Variants in TDRD9 observed in about 807,000 individuals in gnomAD.
The protein encoded by TDRD9 is tudor domain containing 9, also known as ATP-dependent RNA helicase TDRD9.
In TDRD9, 124 loss-of-function variants were observed where a neutral mutation model predicts 172.6. The ratio of observed to expected loss-of-function variants is 0.72; its 90% CI spans 0.62 to 0.83. TDRD9 has a LOEUF of 0.83. Ranked by LOEUF, TDRD9 falls within the 40% of genes least tolerant of loss-of-function variation. The probability of loss-of-function intolerance (pLI) is 0.00; values close to 1 mark genes in which losing one functional copy is unlikely to be tolerated. For missense variants in TDRD9, 1,479 were observed against 1,714.1 expected (o/e 0.86, Z 2.42); for synonymous variants, 619 against 617.1 (o/e 1.00, Z -0.05).
At chr14:103,953,632 G>C (rs919453530) in intron 1 of TDRD9, among the ~76,000 whole-genome samples, 3 of 152,108 alleles carry the variant, frequency 2.0e-5, no homozygotes, top group African/African-American at 7.2e-5. Context: ...TGAATTTGAA[G>C]GCCTGGGAAC....
chr14:103,982,118 C>T (rs967033162), intron 7 of TDRD9, among the ~76,000 whole-genome samples: 3 of 152,148 alleles, frequency 2.0e-5, no homozygotes, highest in African/African-American at 7.2e-5. Flanking sequence ...CATGTCTCAT[C>T]CTTCTTACCT....
intron 1 of TDRD9, among the ~76,000 whole-genome samples, chr14:103,938,456 T>TTTTTA: frequency 7.3e-6 from 1 of 136,652 alleles, no homozygotes; most frequent in Non-Finnish European, 1.6e-5. Context: ...TTTTTTTTTT[T>TTTTTA]GAGATGGTGT....
chr14:103,971,250 T>C (rs1402492023), intron 6 of TDRD9, among the ~76,000 whole-genome samples: 3 of 152,162 alleles, frequency 2.0e-5, no homozygotes, highest in Non-Finnish European at 4.4e-5. Flanking sequence ...CCCAAATTGC[T>C]GGGATTACAG....
chr14:104,034,568 T>C (rs867053781), intron 31 of TDRD9, among the ~76,000 whole-genome samples: 14 of 152,324 alleles, frequency 9.2e-5, no homozygotes, highest in Middle Eastern at 3.4e-3. Flanking sequence ...TCACTTTTCC[T>C]TTTATACAAG....
At chr14:104,012,070 CT>C (rs1350430792) in intron 20 of TDRD9, among the ~76,000 whole-genome samples, 2 of 152,196 alleles carry the variant, frequency 1.3e-5, no homozygotes, top group African/African-American at 4.8e-5. Context: ...TCACCTGAGC[CT>C]TGGTGTCCTG....
At chr14:104,015,319 G>C (rs1416254597) in intron 21 of TDRD9, among the ~76,000 whole-genome samples, 1 of 152,192 alleles carries the variant, frequency 6.6e-6, no homozygotes, top group Non-Finnish European at 1.5e-5. Context: ...CTGGCCAGTG[G>C]AGACTGCCTC....
At chr14:103,995,429 T>C (rs2034022862) in intron 11 of TDRD9, among the ~76,000 whole-genome samples, 1 of 152,160 alleles carries the variant, frequency 6.6e-6, no homozygotes, top group Admixed American at 6.5e-5. Flanking sequence ...TCTAGAAACC[T>C]GGTTGTGCCC....
At chr14:103,941,284 A>G in intron 1 of TDRD9, 2 of 873,508 alleles carry the variant, frequency 2.3e-6, no homozygotes, top group South Asian at 4.6e-5. Flanking sequence ...ATTGCTCACC[A>G]GACATCTACA....
rs774514954 is a variant in TDRD9 at position 104,031,990 on chromosome 14, AAC to A, written c.3439-24_3439-23del. 7.4e-6 allele frequency: 11 copies of A among 1,493,760 alleles called. No individual in the cohort carries two copies. In the South Asian group the frequency reaches 1.4e-4, roughly 19 times the overall value. 92.5% of individuals were successfully genotyped at this position (1,493,760 alleles called of 1,614,324 possible). On this transcript the variant is annotated intron_variant, in intron 29 of 35. Coordinates refer to ENST00000409874, the MANE Select transcript of TDRD9 (RefSeq NM_153046.3). ...GTTAAGTGTTATCTTGCTTATTGGT[AAC>A]ACTTCCTATATTTTGTGCACGCAGG...
chr14:104,032,069 C>G lies in TDRD9; in HGVS notation c.3491C>G (p.Thr1164Ser). The part of the protein sequence containing the change: ...NPYELKCHSL[T>S]RISKFRCVWI... The stretch of plus-strand genomic sequence containing the variant: ...TATGAACTAAAGTGCCATAGTTTGA[C>G]CAGAATATCCAAATTCAGGTATGAT... The change falls in exon 30 of 36, where the codon ACC becomes AGC. Residue 1164 changes from threonine to serine, a missense_variant. Coordinates refer to ENST00000409874, the MANE Select transcript of TDRD9 (RefSeq NM_153046.3). The G allele has an allele frequency of 1.3e-6, 2 of 1,545,702 alleles. No individual in the cohort carries two copies. Among genetic ancestry groups the G allele is most frequent in the Non-Finnish European group, 1.7e-6 (2 of 1,145,364 alleles).
chr14:103,997,256 T>C lies in TDRD9; in HGVS notation c.1379-1368T>C, dbSNP rs567582478. ...GGTGTCACAAGAATCTAGGCGACAA[T>C]GGGTGGTGCTTAGAAAAGGACAGCA... On this transcript the variant is annotated intron_variant, in intron 12 of 35. Transcript: ENST00000409874. The surrounding 1 kb of genome is among the most constrained non-coding windows in gnomAD (Gnocchi z 5.1). Among the ~76,000 whole-genome samples the C allele has an allele frequency of 4.0e-5, 6 of 151,864 alleles. No homozygotes were observed. The highest frequency in any genetic ancestry group is 1.5e-5 in the Non-Finnish European group (1 of 67,926).
intron 13 of TDRD9, among the ~76,000 whole-genome samples, chr14:104,003,617 T>C (rs1483283527): frequency 1.3e-5 from 2 of 152,214 alleles, no homozygotes; most frequent in African/African-American, 4.8e-5. Flanking sequence ...CTCCTTGGAC[T>C]ATTTTATTAT....
rs187230743 is a variant in TDRD9, at chr14:104,028,424, G to T, written c.3282+1485G>T. On this transcript the variant is annotated intron_variant, in intron 28 of 35. Coordinates refer to ENST00000409874, the MANE Select transcript of TDRD9 (RefSeq NM_153046.3). ...CTATCTCTCACGATGGTTTTGATTT[G>T]AATTTCCCTGATAATTAGTGATGTT... Among the ~76,000 whole-genome samples the T allele has an allele frequency of 3.7e-3, 568 of 152,204 alleles. 2 individuals carry two copies. Among genetic ancestry groups the T allele is most frequent in the Middle Eastern group, 6.8e-3 (2 of 294 alleles).
At chr14:103,942,477 G>A (rs979625278) in intron 1 of TDRD9, among the ~76,000 whole-genome samples, 1 of 152,236 alleles carries the variant, frequency 6.6e-6, no homozygotes, top group Admixed American at 6.5e-5. Flanking sequence ...GTAGTGAAAC[G>A]AAGAATGGTC....
At position 103,978,355 on chromosome 14, in the gene TDRD9, C is replaced by T. The variant is rs145409400; in HGVS notation, c.1011+2802C>T. Among the ~76,000 whole-genome samples, 1,108 of 152,142 alleles carry T rather than the reference C, an allele frequency of 7.3e-3. 15 individuals carry two copies. Among genetic ancestry groups the T allele is most frequent in the African/African-American group, 0.026 (1,059 of 41,480 alleles). On this transcript the variant is annotated intron_variant, in intron 7 of 35. Coordinates refer to ENST00000409874, the MANE Select transcript of TDRD9 (RefSeq NM_153046.3). ...CAGCACTTTGGGAGGCCAAGGTGGG[C>T]CGATCACTTGAGCCCAGGAGTTTGA...
At chr14:104,000,941 T>C (rs2034239873) in intron 13 of TDRD9, among the ~76,000 whole-genome samples, 1 of 152,224 alleles carries the variant, frequency 6.6e-6, no homozygotes, top group South Asian at 2.1e-4. Context: ...TAAAATTTCT[T>C]CCTCTATAAG....
intron 23 of TDRD9, among the ~76,000 whole-genome samples, chr14:104,020,700 A>G (rs1295060993): frequency 6.6e-6 from 1 of 152,146 alleles, no homozygotes; most frequent in Non-Finnish European, 1.5e-5. Flanking sequence ...CGTCTTTCCA[A>G]ACTGCTCAAG....
intron 1 of TDRD9, among the ~76,000 whole-genome samples, chr14:103,929,600 A>G (rs184423208): frequency 6.0e-5 from 9 of 149,736 alleles, no homozygotes; most frequent in East Asian, 2.0e-4. Flanking sequence ...CCTCACTGCA[A>G]TCTCCCCCTC....
At chr14:103,930,182 T>C (rs576507634) in intron 1 of TDRD9, among the ~76,000 whole-genome samples, 2 of 151,964 alleles carry the variant, frequency 1.3e-5, no homozygotes, top group Admixed American at 6.6e-5. Context: ...TTTGTTTTTC[T>C]TTTTCTTGGT....
Sources: allele counts gnomAD v4.1 joint callset (sites outside exome capture counted in the v4.1 genomes callset), GRCh38; gene constraint gnomAD v4.1.1; non-coding constraint Gnocchi (gnomAD v3.1); transcripts MANE v1.5; gene names NCBI Gene and HGNC (gene_info 2026-07-23, HGNC 2026-07-21).